The following MCU variants were observed in gnomAD, a reference collection of about 807,000 sequenced individuals.
MCU encodes the protein mitochondrial calcium uniporter.
MCU carries 12 observed loss-of-function variants against 45.2 expected under a neutral mutation model. That is an observed-to-expected ratio of 0.27 (90% confidence interval 0.17 to 0.43). The LOEUF (loss-of-function observed/expected upper bound fraction) is 0.43. MCU is among the 20% of genes least tolerant of loss of function. The pLI is 1.00. For missense variants in MCU, 324 were observed against 436.7 expected, an observed-to-expected ratio of 0.74 and a Z score of 2.30; for synonymous variants, 160 against 165.1, an observed-to-expected ratio of 0.97 and a Z score of 0.24.
chr10:72,765,361 C>A (rs921121836), intron 1 of MCU, among the ~76,000 whole-genome samples: 1 of 152,070 alleles, frequency 6.6e-6, no homozygotes, highest in Non-Finnish European at 1.5e-5. Context: ...GTTTTATTAG[C>A]CTTTTGTTCT....
In MCU at chr10:72,813,321, C is replaced by T. The variant is rs80036614; in HGVS notation, c.151-21038C>T. Among the ~76,000 whole-genome samples the T allele has an allele frequency of 3.1e-3, 465 of 150,918 alleles. 5 individuals are homozygous for T. The highest frequency in any genetic ancestry group is 0.01 in the African/African-American group (425 of 41,302). ...GGCATCAACCAACAATGTGATGTAA[C>T]GTCCAGAGCTGTAAACGACTCTGAA... On this transcript the variant is annotated intron_variant, in intron 1 of 7. Transcript: ENST00000373053.
In MCU at chr10:72,885,977, T is replaced by C; in HGVS notation, c.*155T>C. On this transcript the variant is annotated 3_prime_UTR_variant, in exon 8 of 8. Coordinates refer to ENST00000373053, the MANE Select transcript of MCU (RefSeq NM_138357.3). ...GAAAGGATCTGAGGGAAGAAGGGAA[T>C]GTTAAAACCTGAGGATCAGGCATTG... 2 of 599,620 alleles carry C rather than the reference T, an allele frequency of 3.3e-6. No individual in the cohort carries two copies. The highest frequency in any genetic ancestry group is 3.0e-5 in the Admixed American group (1 of 33,768). The allele number at this position is 599,620 out of a possible 1,614,324, so 37.1% of individuals were successfully genotyped here. A position where few individuals can be genotyped will look rare whatever the true frequency, so the allele number is the denominator to read the frequency against.
At chr10:72,726,039 A>G (rs1463840287) in intron 1 of MCU, among the ~76,000 whole-genome samples, 1 of 151,752 alleles carries the variant, frequency 6.6e-6, no homozygotes, top group Non-Finnish European at 1.5e-5. Flanking sequence ...ATTTTTCTTC[A>G]TACTTGAATG....
chr10:72,710,333 G>A (rs1461645721), intron 1 of MCU, among the ~76,000 whole-genome samples: 8 of 152,052 alleles, frequency 5.3e-5, no homozygotes, highest in African/African-American at 1.7e-4. Context: ...GAAAATGAAA[G>A]GAAACTATAA....
intron 1 of MCU, among the ~76,000 whole-genome samples, chr10:72,810,444 T>A (rs551828024): frequency 1.5e-3 from 227 of 150,312 alleles, no homozygotes; most frequent in African/African-American, 5.4e-3. Flanking sequence ...TGACATCAGT[T>A]AAGACAATTA....
chr10:72,778,188 G>T (rs1172239581), intron 1 of MCU, among the ~76,000 whole-genome samples: 1 of 152,072 alleles, frequency 6.6e-6, no homozygotes, highest in Non-Finnish European at 1.5e-5. Flanking sequence ...ATAGCCAAAA[G>T]AAAGATAATC....
At chr10:72,791,249 A>C (rs1274952482) in intron 1 of MCU, among the ~76,000 whole-genome samples, 1 of 152,184 alleles carries the variant, frequency 6.6e-6, no homozygotes, top group East Asian at 1.9e-4. Context: ...TAGTGTCTTA[A>C]AATCACATGT....
At chr10:72,750,572 C>G (rs774897630) in intron 1 of MCU, among the ~76,000 whole-genome samples, 2 of 152,126 alleles carry the variant, frequency 1.3e-5, no homozygotes, top group South Asian at 4.1e-4. Context: ...TTTACATTTT[C>G]AAGAAGTAGG....
intron 1 of MCU, among the ~76,000 whole-genome samples, chr10:72,747,988 A>G (rs1843438270): frequency 6.6e-6 from 1 of 151,834 alleles, no homozygotes; most frequent in Non-Finnish European, 1.5e-5. Flanking sequence ...ACTATTCAAT[A>G]TAAAAATTAA....
In MCU at chr10:72,700,365, T is replaced by C. The variant is rs1842745271; in HGVS notation, c.150+8064T>C. ...GCGTGAGCCACTGTGCCCGGCCAAA[T>C]TCTTAAAGTACCTAACGTCAAAGTC... On this transcript the variant is annotated intron_variant, in intron 1 of 7. Coordinates refer to ENST00000373053, the MANE Select transcript of MCU (RefSeq NM_138357.3). Among the ~76,000 whole-genome samples the C allele has an allele frequency of 2.0e-5, 3 of 152,284 alleles. No individual in the cohort carries two copies. The South Asian group carries it at 6.2e-4, about 32-fold the overall frequency.
rs575379482 is a variant in MCU, at chr10:72,876,928, T to G, written c.861+5348T>G. Reference sequence around the variant, plus strand: ...ACTTAGTATCAAATCACAGTTTTTTTTTTTTTTTTTTGAGACAGGGTTTTA... The same window carrying G: ...ACTTAGTATCAAATCACAGTTTTTTGTTTTTTTTTTTGAGACAGGGTTTTA... On this transcript the variant is annotated intron_variant, in intron 6 of 7. Coordinates refer to ENST00000373053, the MANE Select transcript of MCU (RefSeq NM_138357.3). 7.2e-4 allele frequency among the ~76,000 whole-genome samples: 108 copies of G among 151,038 alleles called. 1 individual carries two copies. The South Asian group carries it at 0.016, about 23-fold the overall frequency.
At chr10:72,692,756 G>C (rs966753709) in intron 1 of MCU, 1 of 1,349,042 alleles carries the variant, frequency 7.4e-7, no homozygotes, top group African/African-American at 1.5e-5. Flanking sequence ...GAGTGGCAGT[G>C]CCATGCTGCT....
chr10:72,828,001 A>G (rs1844823396), intron 1 of MCU, among the ~76,000 whole-genome samples: 1 of 152,178 alleles, frequency 6.6e-6, no homozygotes, highest in Admixed American at 6.5e-5. Flanking sequence ...GATATAGAAA[A>G]AAACTGATCC....
intron 6 of MCU, among the ~76,000 whole-genome samples, chr10:72,873,442 A>C (rs933276012): frequency 8.6e-5 from 13 of 152,002 alleles, no homozygotes; most frequent in African/African-American, 3.1e-4. Context: ...CCTATATTTT[A>C]ATTGGATAGT....
chr10:72,741,522 C>G (rs1304318380), intron 1 of MCU, among the ~76,000 whole-genome samples: 1 of 152,206 alleles, frequency 6.6e-6, no homozygotes, highest in Admixed American at 6.5e-5. Flanking sequence ...AGACAGTCTT[C>G]TTTTGACAGT....
intron 1 of MCU, among the ~76,000 whole-genome samples, chr10:72,741,447 A>G (rs1285422095): frequency 3.9e-5 from 6 of 152,224 alleles, no homozygotes; most frequent in African/African-American, 1.2e-4. Context: ...TTCAATAAGC[A>G]TAAGCAAATT....
chr10:72,723,960 G>T (rs116083204), intron 1 of MCU, among the ~76,000 whole-genome samples: 2,870 of 152,194 alleles, frequency 0.019, 81 homozygotes, highest in African/African-American at 0.065. Flanking sequence ...CTTCGAGAAC[G>T]TTTAACACAA....
intron 1 of MCU, among the ~76,000 whole-genome samples, chr10:72,697,426 A>ATTTT (rs1001610262): frequency 3.0e-4 from 19 of 64,134 alleles, no homozygotes; most frequent in African/African-American, 5.4e-4. Context: ...CCAGACTTCT[A>ATTTT]TTTTTTTTTT....
At chr10:72,700,632 A>G (rs1267427773) in intron 1 of MCU, among the ~76,000 whole-genome samples, 5 of 152,228 alleles carry the variant, frequency 3.3e-5, no homozygotes, top group African/African-American at 1.2e-4. Context: ...TGATAAAAAT[A>G]TAACTTCATA....
Sources: gnomAD v4.1 joint callset for allele counts (sites outside exome capture counted in the v4.1 genomes callset) on GRCh38, gnomAD v4.1.1 for gene constraint, MANE v1.5 for transcripts, NCBI Gene and HGNC (gene_info 2026-07-23, HGNC 2026-07-21) for gene names.